The following AQR variants were observed in gnomAD, a reference collection of about 807,000 sequenced individuals.
AQR encodes the protein RNA helicase aquarius.
Under a neutral mutation model 180.5 loss-of-function variants are expected in AQR, and 61 were observed. The observed-to-expected ratio is 0.34, with a 90% CI of 0.28 to 0.42. The LOEUF (loss-of-function observed/expected upper bound fraction) is 0.42. Among genes scored for constraint, AQR ranks in the 10% least tolerant of loss-of-function variants. The pLI is 1.00. For missense variants in AQR, 1,281 were observed against 1,798.3 expected (o/e 0.71, Z 5.20); for synonymous variants, 551 against 588.8 (o/e 0.94, Z 0.93).
intron 13 of AQR, among the ~76,000 whole-genome samples, chr15:34,921,841 C>T (rs952367108): frequency 2.0e-5 from 3 of 152,108 alleles, no homozygotes; most frequent in Non-Finnish European, 4.4e-5. Flanking sequence ...AGACGAGTCT[C>T]ACTCTGTTGC....
intron 3 of AQR, among the ~76,000 whole-genome samples, chr15:34,955,777 C>T (rs1332906628): frequency 6.6e-6 from 1 of 151,866 alleles, no homozygotes; most frequent in Non-Finnish European, 1.5e-5. Flanking sequence ...GGCGTGGTGG[C>T]GGGCACCTGT....
chr15:34,917,603 C>T (rs1373420292), intron 15 of AQR, among the ~76,000 whole-genome samples: 1 of 152,064 alleles, frequency 6.6e-6, no homozygotes, highest in Non-Finnish European at 1.5e-5. Context: ...TAAGAAAAGC[C>T]TTTGAAAAAC....
chr15:34,874,764 G>C lies in AQR; in HGVS notation c.3338C>G (p.Ser1113Ter). The C allele has an allele frequency of 6.2e-7, 1 of 1,613,870 alleles. No individual in the cohort carries two copies. The highest frequency in any genetic ancestry group is 8.5e-7 in the Non-Finnish European group (1 of 1,179,842). Residue 1113 changes from serine (S) to a stop codon, truncating the protein, a stop_gained, in exon 29 of 35, where the codon TCA (serine) becomes TGA (stop). Coordinates refer to ENST00000156471, the MANE Select transcript of AQR (RefSeq NM_014691.3). LOFTEE classifies it high-confidence loss of function. ...VIKNMAFQKY[S>*]NMEQSLFTRF... ...AGTGAAGAGAGACTGCTCCATGTTT[G>C]AGTACTTTTGAAAGGCCATGTTCTT...
intron 32 of AQR, among the ~76,000 whole-genome samples, chr15:34,867,155 G>A (rs980760926): frequency 5.3e-5 from 8 of 152,088 alleles, no homozygotes; most frequent in African/African-American, 1.9e-4. Flanking sequence ...TTGTGTATGA[G>A]AAAAAATGAG....
At chr15:34,960,662 G>T in intron 3 of AQR, 112 bp downstream of exon 3, 1 of 524,820 alleles carries the variant, frequency 1.9e-6, no homozygotes, top group South Asian at 2.0e-5. Flanking sequence ...TTGCCCTGAC[G>T]ACCAGTTTGA....
intron 32 of AQR, among the ~76,000 whole-genome samples, chr15:34,864,939 T>C (rs1336879769): frequency 6.6e-6 from 1 of 152,108 alleles, no homozygotes; most frequent in Non-Finnish European, 1.5e-5. Context: ...TCATGAATGT[T>C]AGATCTATTA....
At chr15:34,935,260 T>C (rs963857410) in intron 9 of AQR, among the ~76,000 whole-genome samples, 3 of 152,198 alleles carry the variant, frequency 2.0e-5, no homozygotes, top group South Asian at 2.1e-4. Context: ...CAAACATTTA[T>C]TTTTGTTTTT....
intron 26 of AQR, among the ~76,000 whole-genome samples, chr15:34,883,593 G>C (rs1893008126): frequency 6.6e-6 from 1 of 152,040 alleles, no homozygotes; most frequent in Non-Finnish European, 1.5e-5. Context: ...ATCTGATACT[G>C]TTCTAGGAAG....
intron 15 of AQR, among the ~76,000 whole-genome samples, chr15:34,917,821 A>T (rs1185221504): frequency 9.4e-5 from 1 of 10,684 alleles, no homozygotes; most frequent in Non-Finnish European, 5.5e-4. Context: ...TGTCTCTACT[A>T]AAAAAAAAAA....
intron 13 of AQR, among the ~76,000 whole-genome samples, chr15:34,920,801 A>G (rs149261853): frequency 1.3e-5 from 2 of 152,146 alleles, no homozygotes; most frequent in African/African-American, 4.8e-5. Flanking sequence ...TACTAAAAAT[A>G]CAAAAAATTA....
chr15:34,927,221 T>C (rs1893778381), intron 12 of AQR, 83 bp from the exon 13 acceptor site: 1 of 785,654 alleles, frequency 1.3e-6, no homozygotes. Flanking sequence ...GAAAATATTT[T>C]ATAAAAATAT....
chr15:34,954,437 CTGAGACTACAGGCA>C (rs1894277923), intron 3 of AQR, among the ~76,000 whole-genome samples: 1 of 152,072 alleles, frequency 6.6e-6, no homozygotes. Flanking sequence ...TCTCAAGTAG[CTGAGACTACAGGCA>C]TGTGCTACCA....
At chr15:34,878,685 T>C (rs187476955) in intron 27 of AQR, among the ~76,000 whole-genome samples, 1 of 152,272 alleles carries the variant, frequency 6.6e-6, no homozygotes, top group Admixed American at 6.5e-5. Context: ...ATTGAATTAA[T>C]AATCCCTGAA....
Position 34,940,934 on chromosome 15 carries a change from C to A in AQR, c.606G>T (p.Lys202Asn). ...KLRKFWNLIKKNDEKMDPEAR... is the reference protein window; with the variant it reads ...KLRKFWNLIKNNDEKMDPEAR... The stretch of plus-strand genomic sequence containing the variant: ...CTTCTGGATCCATCTTTTCATCATT[C>A]TTTTTAATCAAGTTCCAGAATTTTC... Residue 202 changes from lysine to asparagine, a missense_variant, in exon 8 of 35, where the codon AAG becomes AAT. Coordinates refer to ENST00000156471, the MANE Select transcript of AQR (RefSeq NM_014691.3). 1 of 1,610,098 alleles carries A rather than the reference C, an allele frequency of 6.2e-7. No individual in the cohort carries two copies. The highest frequency in any genetic ancestry group is 1.7e-5 in the Admixed American group (1 of 59,214).
At chr15:34,881,269 T>G (rs1418000504) in intron 27 of AQR, among the ~76,000 whole-genome samples, 1 of 152,256 alleles carries the variant, frequency 6.6e-6, no homozygotes, top group African/African-American at 2.4e-5. Context: ...CACTACCTTT[T>G]AATAAATTGT....
chr15:34,874,924 T>C (rs1892870459), intron 28 of AQR, 60 bp from the exon 29 acceptor site: 1 of 1,476,976 alleles, frequency 6.8e-7, no homozygotes, highest in Non-Finnish European at 9.3e-7. Context: ...CTCCAATTTA[T>C]TACCCGAGAG....
chr15:34,910,642 C>T (rs1402702514), intron 16 of AQR, among the ~76,000 whole-genome samples: 1 of 152,036 alleles, frequency 6.6e-6, no homozygotes, highest in Admixed American at 6.6e-5. Flanking sequence ...GCCATTTTAT[C>T]AAAGAAATAA....
chr15:34,892,834 C>T (rs548783290), intron 23 of AQR, among the ~76,000 whole-genome samples: 2 of 152,160 alleles, frequency 1.3e-5, no homozygotes, highest in South Asian at 4.2e-4. Context: ...TATTGAATAG[C>T]GAAATAAGAG....
At chr15:34,953,612 AT>A (rs1229863608) in intron 3 of AQR, among the ~76,000 whole-genome samples, 2 of 152,240 alleles carry the variant, frequency 1.3e-5, no homozygotes, top group African/African-American at 2.4e-5. Context: ...GGTTTTTACT[AT>A]GCAAAAGACA....
Sources: allele counts gnomAD v4.1 joint callset (sites outside exome capture counted in the v4.1 genomes callset), GRCh38; gene constraint gnomAD v4.1.1; transcripts MANE v1.5; gene names NCBI Gene and HGNC (gene_info 2026-07-23, HGNC 2026-07-21).